SCRG1: variants seen among roughly 807,000 people sequenced by gnomAD.
The protein encoded by SCRG1 is scrapie-responsive protein 1.
Under a neutral mutation model 7.7 loss-of-function variants are expected in SCRG1, and 3 were observed. That is an observed-to-expected ratio of 0.39 (90% confidence interval 0.18 to 1.01). The LOEUF is 1.01. Ranked by LOEUF, SCRG1 falls within the 50% of genes least tolerant of loss-of-function variation. The probability of loss-of-function intolerance (pLI) is 0.36; values close to 1 mark genes in which losing one functional copy is unlikely to be tolerated. For missense variants in SCRG1, 110 were observed against 117.2 expected, an observed-to-expected ratio of 0.94 and a Z score of 0.28; for synonymous variants, 46 against 41.2, an observed-to-expected ratio of 1.12 and a Z score of -0.44.
upstream of SCRG1, among the ~76,000 whole-genome samples, chr4:173,402,181 A>G (rs1467017265): frequency 6.6e-6 from 1 of 152,206 alleles, no homozygotes; most frequent in Non-Finnish European, 1.5e-5. Context: ...AAGTAAAACC[A>G]TCCAAATGTA....
At chr4:173,424,464 T>G in the SCRG1 span, among the ~76,000 whole-genome samples, 1 of 152,200 alleles carries the variant, frequency 6.6e-6, no homozygotes, top group Admixed American at 6.5e-5. Flanking sequence ...CACAGTAGCC[T>G]TATTAAAAGC....
chr4:173,502,314 G>A, the SCRG1 span, among the ~76,000 whole-genome samples: 1 of 152,184 alleles, frequency 6.6e-6, no homozygotes, highest in Non-Finnish European at 1.5e-5. This position sits in a 1 kb window ranked among gnomAD's most constrained non-coding sequence, Gnocchi z 4.6. Context: ...CAACCAGGCA[G>A]GTGGGGGTAG....
Position 173,395,974 on chromosome 4 carries a change from T to C in SCRG1, c.-15+3094A>G, listed in dbSNP as rs543064386. 5.3e-5 allele frequency among the ~76,000 whole-genome samples: 8 copies of C among 152,332 alleles called. No homozygotes were observed. In the South Asian group the frequency reaches 1.2e-3, roughly 24 times the overall value. ...AGATTTTGACAGAACAGTAGCATGA[T>C]CTGATTTATGCCTTTTTAAAAAAAT... On this transcript the variant is annotated intron_variant, in intron 1 of 2. Transcript: ENST00000296506.
the SCRG1 span, among the ~76,000 whole-genome samples, chr4:173,457,966 G>T: frequency 1.3e-5 from 2 of 152,202 alleles, no homozygotes; most frequent in Non-Finnish European, 2.9e-5. Flanking sequence ...TCAACTACAG[G>T]AAGAACTGTG....
chr4:173,424,931 A>C, the SCRG1 span, among the ~76,000 whole-genome samples: 2 of 152,064 alleles, frequency 1.3e-5, no homozygotes, highest in African/African-American at 2.4e-5. Context: ...AATAAAACAA[A>C]ACAAAATAAA....
chr4:173,454,026 C>T, the SCRG1 span, among the ~76,000 whole-genome samples: 3 of 149,964 alleles, frequency 2.0e-5, no homozygotes, highest in South Asian at 2.1e-4. Flanking sequence ...TGCACTGAGC[C>T]GAGATCGTGC....
chr4:173,393,901 T>C (rs933894617), intron 1 of SCRG1, among the ~76,000 whole-genome samples: 1 of 152,190 alleles, frequency 6.6e-6, no homozygotes, highest in Non-Finnish European at 1.5e-5. Flanking sequence ...TTTCTACTTA[T>C]AGTCTATTTT....
At chr4:173,470,595 G>A in the SCRG1 span, among the ~76,000 whole-genome samples, 1 of 152,134 alleles carries the variant, frequency 6.6e-6, no homozygotes, top group Non-Finnish European at 1.5e-5. Context: ...ACTAAAATCA[G>A]TTTTTGTCTT....
At chr4:173,445,269 T>C in the SCRG1 span, among the ~76,000 whole-genome samples, 3 of 152,202 alleles carry the variant, frequency 2.0e-5, no homozygotes, top group Non-Finnish European at 4.4e-5. Context: ...TACATTGTTT[T>C]ACCACAGAAA....
chr4:173,405,852 C>T (rs1309515643), intron 1 of SCRG1, among the ~76,000 whole-genome samples: 1 of 152,162 alleles, frequency 6.6e-6, no homozygotes, highest in Non-Finnish European at 1.5e-5. Context: ...TGTCCCAGTA[C>T]TAGAATCAGC....
At chr4:173,410,387 G>C (rs914200468), upstream of SCRG1, among the ~76,000 whole-genome samples, 5 of 152,232 alleles carry the variant, frequency 3.3e-5, no homozygotes, top group Non-Finnish European at 7.3e-5. Flanking sequence ...TAGCAGCAAG[G>C]CCATTCCTAC....
chr4:173,458,131 T>C, the SCRG1 span, among the ~76,000 whole-genome samples: 1 of 152,156 alleles, frequency 6.6e-6, no homozygotes, highest in Non-Finnish European at 1.5e-5. Context: ...CAGGACTGGC[T>C]GAAATGATCC....
At chr4:173,428,539 G>C in the SCRG1 span, among the ~76,000 whole-genome samples, 4 of 152,190 alleles carry the variant, frequency 2.6e-5, no homozygotes, top group African/African-American at 7.2e-5. Flanking sequence ...CTTCATGGAG[G>C]CTGTACACCT....
upstream of SCRG1, among the ~76,000 whole-genome samples, chr4:173,408,289 T>A (rs572997051): frequency 7.9e-5 from 12 of 152,334 alleles, no homozygotes; most frequent in African/African-American, 2.9e-4. Context: ...TATAACACTG[T>A]CTTCTATCAA....
chr4:173,447,767 A>T, the SCRG1 span, among the ~76,000 whole-genome samples: 18 of 152,192 alleles, frequency 1.2e-4, no homozygotes, highest in Non-Finnish European at 2.4e-4. Flanking sequence ...AGAAGCACAT[A>T]TAAAGTACTT....
At chr4:173,443,565 A>G in the SCRG1 span, among the ~76,000 whole-genome samples, 6 of 152,166 alleles carry the variant, frequency 3.9e-5, no homozygotes, top group Non-Finnish European at 8.8e-5. Flanking sequence ...CTTTGAAAAT[A>G]TTATCGCTTT....
chr4:173,425,970 C>A, the SCRG1 span, among the ~76,000 whole-genome samples: 1 of 152,238 alleles, frequency 6.6e-6, no homozygotes, highest in Non-Finnish European at 1.5e-5. Flanking sequence ...CACTTCTGTG[C>A]CATCATGCCC....
chr4:173,462,530 A>G, the SCRG1 span, among the ~76,000 whole-genome samples: 2 of 152,200 alleles, frequency 1.3e-5, no homozygotes. Context: ...TTTCATTAAT[A>G]CCAGACCCAT....
At chr4:173,417,748 C>T in the SCRG1 span, among the ~76,000 whole-genome samples, 366 of 152,266 alleles carry the variant, frequency 2.4e-3, 1 homozygote, top group African/African-American at 8.4e-3. Flanking sequence ...CTCCCACCAC[C>T]TCAGCCCCAC....
Sources: allele counts gnomAD v4.1 joint callset (sites outside exome capture counted in the v4.1 genomes callset), GRCh38; gene constraint gnomAD v4.1.1; non-coding constraint Gnocchi (gnomAD v3.1); transcripts MANE v1.5; gene names NCBI Gene and HGNC (gene_info 2026-07-23, HGNC 2026-07-21).